The following HINT3 variants were observed in gnomAD, a reference collection of about 807,000 sequenced individuals.
HINT3 encodes adenosine 5'-monophosphoramidase HINT3.
Under a neutral mutation model 19.1 loss-of-function variants are expected in HINT3, and 16 were observed. The ratio of observed to expected loss-of-function variants is 0.84; its 90% CI spans 0.57 to 1.27. The LOEUF is 1.27. Ranked by LOEUF, HINT3 falls within the 50% of genes most tolerant of loss-of-function variation. The pLI, the probability that HINT3 is intolerant of heterozygous loss-of-function variation, is 0.00. For synonymous variants in HINT3, 75 were observed against 84.8 expected (o/e 0.88, Z 0.63); for missense variants, 197 against 225.8 (o/e 0.87, Z 0.82).
rs55878824 is a variant in HINT3, at chr6:125,957,210, A to T, written c.201+32A>T. On this transcript the variant is annotated intron_variant, in intron 1 of 4. Coordinates refer to ENST00000229633, the MANE Select transcript of HINT3 (RefSeq NM_138571.5). Reference sequence around the variant, plus strand: ...GGCGACGCGCGGCCGGGGGTGGGTGAGGACCTGGCCGCCCCTCGGAGCTCC... The same window carrying T: ...GGCGACGCGCGGCCGGGGGTGGGTGTGGACCTGGCCGCCCCTCGGAGCTCC... 9,728 of 1,526,858 alleles carry T rather than the reference A, an allele frequency of 6.4e-3. 49 individuals carry two copies. The highest frequency in any genetic ancestry group is 8.0e-3 in the Non-Finnish European group (9,087 of 1,134,018). 94.6% of individuals were successfully genotyped at this position (1,526,858 alleles called of 1,614,324 possible).
At chr6:125,959,439 C>T (rs1007366730) in intron 1 of HINT3, among the ~76,000 whole-genome samples, 1 of 152,198 alleles carries the variant, frequency 6.6e-6, no homozygotes, top group Non-Finnish European at 1.5e-5. Context: ...GCAATATTAG[C>T]CTGCCTTCAT....
chr6:125,961,079 A>C (rs1788918178), intron 1 of HINT3, among the ~76,000 whole-genome samples: 1 of 152,162 alleles, frequency 6.6e-6, no homozygotes, highest in South Asian at 2.1e-4. Flanking sequence ...CCAAGGTGAG[A>C]ATTTTTCTTG....
chr6:125,968,988 T>G (rs1391800319), intron 2 of HINT3, among the ~76,000 whole-genome samples: 2 of 152,242 alleles, frequency 1.3e-5, no homozygotes, highest in Non-Finnish European at 2.9e-5. Flanking sequence ...ATAGTTTCTT[T>G]TGCTGTGCAG....
At chr6:125,963,549 A>T (rs1052642725) in intron 1 of HINT3, among the ~76,000 whole-genome samples, 5 of 152,200 alleles carry the variant, frequency 3.3e-5, no homozygotes, top group African/African-American at 1.2e-4. Context: ...TATTAGAGTC[A>T]GTGGTGATAA....
At chr6:125,977,295 A>G (rs550146937) in intron 4 of HINT3, among the ~76,000 whole-genome samples, 1 of 152,238 alleles carries the variant, frequency 6.6e-6, no homozygotes, top group South Asian at 2.1e-4. Flanking sequence ...AGAATGTCAT[A>G]TGGTTGGAAT....
chr6:125,974,746 G>T, intron 3 of HINT3, 101 bp from the exon 4 acceptor site: 1 of 1,115,596 alleles, frequency 9.0e-7, no homozygotes. Flanking sequence ...ATTTACCTTA[G>T]GTACTTATTT....
In HINT3 at chr6:125,956,890, TAA is replaced by T; in HGVS notation, c.-85_-84del. 7.4e-7 allele frequency: 1 copy of T among 1,345,918 alleles called. No homozygotes were observed. The highest frequency in any genetic ancestry group is 1.0e-6 in the Non-Finnish European group (1 of 986,010). 83.4% of individuals were successfully genotyped at this position (1,345,918 alleles called of 1,614,324 possible). On this transcript the variant is annotated 5_prime_UTR_variant, in exon 1 of 5. Coordinates refer to ENST00000229633, the MANE Select transcript of HINT3 (RefSeq NM_138571.5). ...TCAGGCGAGGGGCGACGTCTCGAGG[TAA>T]AACGGAGGAGGTGCGGGACGCGGAG...
chr6:125,977,516 A>G (rs1226036794), intron 4 of HINT3, 128 bp from the exon 5 acceptor site: 1 of 436,254 alleles, frequency 2.3e-6, no homozygotes, highest in Admixed American at 3.8e-5. Context: ...TTTTTGTAAG[A>G]TATTTTTAGG....
intron 1 of HINT3, 112 bp downstream of exon 1, chr6:125,957,290 A>G: frequency 8.6e-7 from 1 of 1,166,570 alleles, no homozygotes; most frequent in Non-Finnish European, 1.2e-6. Context: ...ATCGCTACTC[A>G]GCTCGCAGAG....
intron 3 of HINT3, among the ~76,000 whole-genome samples, chr6:125,974,415 T>C (rs954582686): frequency 1.3e-5 from 2 of 152,160 alleles, no homozygotes; most frequent in African/African-American, 4.8e-5. Context: ...TCTGAGTACT[T>C]TATTAAAGGA....
intron 1 of HINT3, among the ~76,000 whole-genome samples, chr6:125,962,259 TATATATATATACATAC>T (rs1788949361): frequency 1.8e-4 from 5 of 27,090 alleles, no homozygotes; most frequent in African/African-American, 6.8e-4. Context: ...TACACACATA[TATATATATATACATAC>T]ATATATATAT....
At chr6:125,962,758 G>A (rs1395447976) in intron 1 of HINT3, among the ~76,000 whole-genome samples, 2 of 151,980 alleles carry the variant, frequency 1.3e-5, no homozygotes, top group African/African-American at 2.4e-5. Context: ...ACTAAGCAAA[G>A]GCTGAACCAT....
intron 1 of HINT3, among the ~76,000 whole-genome samples, chr6:125,961,779 C>G (rs2128710606): frequency 6.6e-6 from 1 of 152,092 alleles, no homozygotes; most frequent in South Asian, 2.1e-4. Flanking sequence ...ATTGGATAGG[C>G]CTGACTGACA....
chr6:125,959,533 AC>A (rs1788888368), intron 1 of HINT3, among the ~76,000 whole-genome samples: 1 of 152,194 alleles, frequency 6.6e-6, no homozygotes, highest in African/African-American at 2.4e-5. Flanking sequence ...ATGTTCATTG[AC>A]CTTGAGGAGA....
chr6:125,959,208 A>T (rs946135768), intron 1 of HINT3, among the ~76,000 whole-genome samples: 6 of 152,138 alleles, frequency 3.9e-5, no homozygotes, highest in African/African-American at 2.4e-5. Context: ...CGGTTTATAG[A>T]TGGAAACTGA....
At chr6:125,962,615 C>G (rs1199111232) in intron 1 of HINT3, among the ~76,000 whole-genome samples, 1 of 152,076 alleles carries the variant, frequency 6.6e-6, no homozygotes, top group Non-Finnish European at 1.5e-5. Flanking sequence ...AGAAAAATTT[C>G]CATTTGGAAA....
In HINT3 at chr6:125,976,659, T is replaced by C. The variant is rs140494527; in HGVS notation, c.517-985T>C. 5.6e-3 allele frequency among the ~76,000 whole-genome samples: 856 copies of C among 152,028 alleles called. 20 individuals are homozygous for C. Among genetic ancestry groups the C allele is most frequent in the Admixed American group, 0.037 (565 of 15,282 alleles). ...TTTGTAATGTTTTGACTGTATTTTCTTATAGGAAATACTTTTTTACTTGGA... is the reference window on the plus strand; with the variant it reads ...TTTGTAATGTTTTGACTGTATTTTCCTATAGGAAATACTTTTTTACTTGGA... On this transcript the variant is annotated intron_variant, in intron 4 of 4. Transcript: ENST00000229633.
intron 2 of HINT3, among the ~76,000 whole-genome samples, chr6:125,967,983 T>G (rs1789041926): frequency 6.6e-6 from 1 of 152,254 alleles, no homozygotes; most frequent in South Asian, 2.1e-4. Context: ...TTTTTTATTT[T>G]AGATTTGACG....
intron 1 of HINT3, among the ~76,000 whole-genome samples, chr6:125,962,662 C>T (rs1175385736): frequency 6.6e-6 from 1 of 152,112 alleles, no homozygotes; most frequent in Non-Finnish European, 1.5e-5. Context: ...GTTAGTCTGG[C>T]AAACCTTTCC....
Sources: allele counts gnomAD v4.1 joint callset (sites outside exome capture counted in the v4.1 genomes callset), GRCh38; gene constraint gnomAD v4.1.1; transcripts MANE v1.5; gene names NCBI Gene and HGNC (gene_info 2026-07-23, HGNC 2026-07-21).